The following FAM81A variants were observed in gnomAD, a reference collection of about 807,000 sequenced individuals.
FAM81A encodes protein FAM81A.
FAM81A carries 19 observed loss-of-function variants against 46.7 expected under a neutral mutation model. That is an observed-to-expected ratio of 0.41 (90% CI 0.28 to 0.60). The LOEUF (loss-of-function observed/expected upper bound fraction) is 0.60. Among genes scored for constraint, FAM81A ranks in the 20% least tolerant of loss-of-function variants. The pLI, the probability that FAM81A is intolerant of heterozygous loss-of-function variation, is 0.34. For missense variants in FAM81A, 377 were observed against 453.5 expected (o/e 0.83, Z 1.53); for synonymous variants, 183 against 152.9 (o/e 1.20, Z -1.45).
intron 1 of FAM81A, among the ~76,000 whole-genome samples, chr15:59,399,945 A>G (rs2081063054): frequency 1.3e-5 from 2 of 152,154 alleles, no homozygotes; most frequent in Admixed American, 1.3e-4. Flanking sequence ...CAAAAAACAA[A>G]GTATCTTCAG....
intron 3 of FAM81A, among the ~76,000 whole-genome samples, chr15:59,481,067 T>G (rs2081844122): frequency 6.6e-6 from 1 of 152,120 alleles, no homozygotes; most frequent in South Asian, 2.1e-4. Context: ...GGAACATGGC[T>G]CACTGCAGCC....
chr15:59,430,919 T>A (rs575188254), intron 2 of FAM81A, among the ~76,000 whole-genome samples: 1 of 152,332 alleles, frequency 6.6e-6, no homozygotes, highest in Non-Finnish European at 1.5e-5. Flanking sequence ...GACATAATAG[T>A]TGAACCAATA....
chr15:59,419,644 C>G (rs912622989), intron 2 of FAM81A, among the ~76,000 whole-genome samples: 3 of 152,080 alleles, frequency 2.0e-5, no homozygotes, highest in Non-Finnish European at 4.4e-5. Context: ...GAGGCCGAGG[C>G]GGGCAGATTG....
intron 8 of FAM81A, among the ~76,000 whole-genome samples, chr15:59,518,082 C>G (rs1266205357): frequency 1.3e-5 from 2 of 151,440 alleles, no homozygotes; most frequent in Non-Finnish European, 2.9e-5. Context: ...AAGCGATTCT[C>G]CTGCCTCAGC....
intron 3 of FAM81A, among the ~76,000 whole-genome samples, chr15:59,489,573 G>C (rs1190263174): frequency 6.6e-6 from 1 of 151,882 alleles, no homozygotes; most frequent in East Asian, 1.9e-4. Context: ...AGTTCACATG[G>C]AACCACAAAA....
At chr15:59,509,017 G>C (rs2082177719) in intron 6 of FAM81A, 48 bp downstream of exon 6, 3 of 1,415,726 alleles carry the variant, frequency 2.1e-6, no homozygotes, top group Non-Finnish European at 2.9e-6. Flanking sequence ...TTCTTTATGA[G>C]TTTATGCAAT....
At chr15:59,510,481 G>T (rs1310614034) in intron 6 of FAM81A, among the ~76,000 whole-genome samples, 2 of 150,676 alleles carry the variant, frequency 1.3e-5, no homozygotes, top group African/African-American at 4.9e-5. Flanking sequence ...AATATAGAAA[G>T]ATCTTAAAGC....
chr15:59,495,486 A>G (rs533661842), intron 4 of FAM81A, among the ~76,000 whole-genome samples: 7 of 152,202 alleles, frequency 4.6e-5, no homozygotes, highest in Admixed American at 2.6e-4. Context: ...ACATTTGTCT[A>G]TTTGTTTTTG....
chr15:59,487,680 A>G (rs1210416912), intron 3 of FAM81A, among the ~76,000 whole-genome samples: 1 of 152,176 alleles, frequency 6.6e-6, no homozygotes, highest in Admixed American at 6.5e-5. Flanking sequence ...TCTTAGACAC[A>G]TACAACCTAC....
At chr15:59,483,356 C>T (rs564868143) in intron 3 of FAM81A, among the ~76,000 whole-genome samples, 40 of 152,044 alleles carry the variant, frequency 2.6e-4, no homozygotes, top group Non-Finnish European at 2.6e-4. Flanking sequence ...TTCCTTTTTA[C>T]TGTCAGTGCC....
At chr15:59,441,190 A>G (rs1216770031) in intron 1 of FAM81A, among the ~76,000 whole-genome samples, 3 of 152,134 alleles carry the variant, frequency 2.0e-5, no homozygotes, top group African/African-American at 4.8e-5. Context: ...AACTGGCTGC[A>G]TTTGTTATTC....
chr15:59,519,181 G>T lies in FAM81A; in HGVS notation c.983-2073G>T, dbSNP rs143486956. Among the ~76,000 whole-genome samples, 9 of 151,368 alleles carry T rather than the reference G, an allele frequency of 5.9e-5. No homozygotes were observed. The East Asian group carries it at 1.2e-3, about 20-fold the overall frequency. ...CCACCATTTTATTCTCTATGTTTTT[G>T]ACTTTCTTTCTTTTCTTTTTTTTTT... On this transcript the variant is annotated intron_variant, in intron 8 of 8. Transcript: ENST00000288228.
rs188940785 is a variant in FAM81A at position 59,465,333 on chromosome 15, C to T, written c.294+5127C>T. On this transcript the variant is annotated intron_variant, in intron 3 of 8. Transcript: ENST00000288228. ...TTTTGCCCAGGCTAGAGTGCAGTGG[C>T]GTGATATTGGCTCACGGCAACCTCA... 3.1e-3 allele frequency among the ~76,000 whole-genome samples: 474 copies of T among 152,240 alleles called. 1 individual carries two copies. The highest frequency in any genetic ancestry group is 4.8e-3 in the Non-Finnish European group (324 of 68,008).
At chr15:59,473,685 G>C (rs2081727980) in intron 3 of FAM81A, among the ~76,000 whole-genome samples, 1 of 152,046 alleles carries the variant, frequency 6.6e-6, no homozygotes, top group Non-Finnish European at 1.5e-5. Context: ...TCCCCTCCAG[G>C]TAAAAGCACA....
At chr15:59,493,741 C>CCACGGCCAGCTAAGTTTTGTATTTG (rs1342382577) in intron 4 of FAM81A, among the ~76,000 whole-genome samples, 1 of 152,158 alleles carries the variant, frequency 6.6e-6, no homozygotes, top group East Asian at 1.9e-4. Context: ...GCACTCGCCA[C>CCACGGCCAGCTAAGTTTTGTATTTG]CACGGCCAGC....
rs773044821 is a variant in FAM81A, at chr15:59,492,340, G to C, written c.364G>C (p.Glu122Gln). 6.2e-7 allele frequency: 1 copy of C among 1,613,854 alleles called. No homozygotes were observed. The highest frequency in any genetic ancestry group is 1.1e-5 in the South Asian group (1 of 91,022). The change falls in exon 4 of 9, where the codon GAG becomes CAG. Residue 122 changes from glutamate to glutamine, a missense_variant. Glu to Gln is a conservative substitution (Grantham distance 29). Coordinates refer to ENST00000288228, the MANE Select transcript of FAM81A (RefSeq NM_152450.3). ...YGTNSALKTL[E>Q]MRQLSGLGDL... is the part of the protein sequence containing the mutation. ...AACTAATTCTGCCTTAAAGACCCTGGAGATGCGCCAGCTCTCCGGTTTGGG... is the reference window on the plus strand; with the variant it reads ...AACTAATTCTGCCTTAAAGACCCTGCAGATGCGCCAGCTCTCCGGTTTGGG...
At chr15:59,480,636 C>G (rs975282520) in intron 3 of FAM81A, among the ~76,000 whole-genome samples, 2 of 152,096 alleles carry the variant, frequency 1.3e-5, no homozygotes, top group African/African-American at 4.8e-5. Context: ...GTTTTTCTTG[C>G]TGCAAGAAAA....
chr15:59,459,020 A>G (rs575058922), intron 2 of FAM81A, among the ~76,000 whole-genome samples: 2 of 152,212 alleles, frequency 1.3e-5, no homozygotes, highest in Non-Finnish European at 2.9e-5. Flanking sequence ...TTTTGGAGAC[A>G]GGGTCTCACT....
intron 3 of FAM81A, among the ~76,000 whole-genome samples, chr15:59,485,695 C>G (rs1228228854): frequency 6.6e-6 from 1 of 152,156 alleles, no homozygotes; most frequent in Non-Finnish European, 1.5e-5. Context: ...CCACAAGCAT[C>G]AAGACCATCT....
Sources: allele counts gnomAD v4.1 joint callset (sites outside exome capture counted in the v4.1 genomes callset), GRCh38; gene constraint gnomAD v4.1.1; transcripts MANE v1.5; gene names NCBI Gene and HGNC (gene_info 2026-07-23, HGNC 2026-07-21).